SOS2: variants seen among roughly 807,000 people sequenced by gnomAD.
The protein encoded by SOS2 is son of sevenless homolog 2.
SOS2 carries 65 observed loss-of-function variants against 148.2 expected under a neutral mutation model. The ratio of observed to expected loss-of-function variants is 0.44; its 90% confidence interval spans 0.36 to 0.54. SOS2 has a LOEUF of 0.54. Among genes scored for constraint, SOS2 ranks in the 20% least tolerant of loss-of-function variants. The pLI, the probability that SOS2 is intolerant of heterozygous loss-of-function variation, is 0.00. For synonymous variants in SOS2, 539 were observed against 537.1 expected (o/e 1.00, Z -0.05); for missense variants, 1,341 against 1,590.2 (o/e 0.84, Z 2.67).
intron 1 of SOS2, among the ~76,000 whole-genome samples, chr14:50,225,041 T>C (rs979886862): frequency 5.3e-5 from 8 of 152,222 alleles, no homozygotes; most frequent in African/African-American, 1.9e-4. Context: ...TTGCTTCACT[T>C]CTACATGTTA....
chr14:50,152,736 T>C (rs886162672), intron 13 of SOS2, among the ~76,000 whole-genome samples: 1 of 152,070 alleles, frequency 6.6e-6, no homozygotes, highest in Non-Finnish European at 1.5e-5. Flanking sequence ...AGGTGGATCA[T>C]CTGAGGTCAG....
chr14:50,180,795 A>G (rs1704019492), intron 6 of SOS2, 113 bp from the exon 7 acceptor site: 1 of 592,424 alleles, frequency 1.7e-6, no homozygotes, highest in Admixed American at 3.5e-5. Flanking sequence ...GTGAGCTATG[A>G]TTGTGCCACT....
intron 7 of SOS2, among the ~76,000 whole-genome samples, chr14:50,180,034 TCA>T (rs1403328521): frequency 3.3e-5 from 5 of 151,776 alleles, no homozygotes; most frequent in African/African-American, 4.8e-5. Context: ...AGACAGAGTC[TCA>T]CTATTCCACC....
chr14:50,166,747 G>A (rs539469743), intron 8 of SOS2, among the ~76,000 whole-genome samples: 2 of 152,118 alleles, frequency 1.3e-5, no homozygotes. Flanking sequence ...TGTGCCCACA[G>A]CAAGGGGAAT....
rs202201300 is a variant in SOS2, at chr14:50,159,641, G to T, written c.1642C>A (p.Leu548Ile). Residue 548 changes from leucine to isoleucine, a missense_variant, in exon 10 of 23, where the codon CTA (leucine) becomes ATA (isoleucine). Coordinates refer to ENST00000216373, the MANE Select transcript of SOS2 (RefSeq NM_006939.4). ...ALISLHYRST[L>I]DRMLDSVLLK... The stretch of plus-strand genomic sequence containing the variant: ...AATACTGAATCTAACATTCGATCTA[G>T]AGTACTACGATAATGAAGAGAAATA... The T allele has an allele frequency of 7.4e-6, 12 of 1,613,656 alleles. No individual in the cohort carries two copies. Among genetic ancestry groups the T allele is most frequent in the Non-Finnish European group, 9.3e-6 (11 of 1,179,716 alleles).
At chr14:50,160,237 T>C (rs1594980985) in intron 9 of SOS2, 151 bp from the exon 10 acceptor site, 2 of 617,756 alleles carry the variant, frequency 3.2e-6, no homozygotes, top group Non-Finnish European at 5.6e-6. Context: ...CACTAAATAA[T>C]ACAGCCCTCA....
At chr14:50,142,418 T>G (rs1884325541) in intron 16 of SOS2, among the ~76,000 whole-genome samples, 1 of 152,166 alleles carries the variant, frequency 6.6e-6, no homozygotes, top group African/African-American at 2.4e-5. Flanking sequence ...CAGTTTTTCC[T>G]CTATTCCCCT....
intron 4 of SOS2, among the ~76,000 whole-genome samples, chr14:50,189,156 A>C (rs1886031486): frequency 6.6e-6 from 1 of 151,390 alleles, no homozygotes; most frequent in Non-Finnish European, 1.5e-5. Flanking sequence ...AATTTATATG[A>C]TAAAACCTAG....
At chr14:50,215,267 G>T in intron 1 of SOS2, 1 of 513,722 alleles carries the variant, frequency 1.9e-6, no homozygotes, top group Non-Finnish European at 3.0e-6. Context: ...TGTTAAATAA[G>T]CTACAAAGCA....
chr14:50,204,324 T>G lies in SOS2; in HGVS notation c.173A>C (p.Lys58Thr). The G allele has an allele frequency of 6.2e-7, 1 of 1,601,858 alleles. No individual in the cohort carries two copies. Among genetic ancestry groups the G allele is most frequent in the East Asian group, 2.2e-5 (1 of 44,602 alleles). ...IEELIFQLLNKLCMAQPRTVQ... is the reference protein window; with the variant it reads ...IEELIFQLLNTLCMAQPRTVQ... ...AGTCCTTGGCTGGGCCATGCATAAT[T>G]TATTAAGCAGCTGAAAAATCAGCTC... Residue 58 changes from lysine to threonine, a missense_variant, in exon 2 of 23, where the codon AAA (lysine) becomes ACA (threonine). Around this residue, in one of 4 missense-constraint regions of SOS2, gnomAD observed 574 missense variants for 711.1 expected, o/e 0.81. Transcript: ENST00000216373.
intron 19 of SOS2, 131 bp downstream of exon 19, chr14:50,133,992 T>G: frequency 1.5e-6 from 1 of 658,456 alleles, no homozygotes; most frequent in East Asian, 2.8e-5. Context: ...GTTTTAGAAA[T>G]AGTATATTAC....
chr14:50,134,219 G>A lies in SOS2; in HGVS notation c.2979C>T (p.Asn993=), dbSNP rs768403750. Reference sequence around the variant, plus strand: ...CTTTTTCAGATGCACTTCCCATGGGGTTAAGGTTTTCAAAGAATCTCTGGA... The same window carrying A: ...CTTTTTCAGATGCACTTCCCATGGGATTAAGGTTTTCAAAGAATCTCTGGA... The part of the protein sequence containing the change: ...PDMRRFFENL[N]PMGSASEKEF... Residue 993 remains asparagine (N), a synonymous_variant, in exon 19 of 23, where the codon AAC becomes AAT. Transcript: ENST00000216373. 3.8e-6 allele frequency: 6 copies of A among 1,576,678 alleles called. No homozygotes were observed. In the South Asian group the frequency reaches 5.7e-5, roughly 15 times the overall value.
At chr14:50,185,003 C>G (rs1414988327) in intron 5 of SOS2, among the ~76,000 whole-genome samples, 1 of 152,000 alleles carries the variant, frequency 6.6e-6, no homozygotes, top group African/African-American at 2.4e-5. Context: ...GGCTTGGAAA[C>G]TCTGTGCCCC....
intron 2 of SOS2, among the ~76,000 whole-genome samples, chr14:50,201,286 A>G (rs1401413242): frequency 6.6e-6 from 1 of 152,028 alleles, no homozygotes; most frequent in East Asian, 1.9e-4. Context: ...TAATCCCAAC[A>G]CTTTGGGAGG....
intron 11 of SOS2, 85 bp from the exon 12 acceptor site, chr14:50,157,206 C>G: frequency 5.4e-6 from 8 of 1,476,164 alleles, no homozygotes; most frequent in Non-Finnish European, 7.3e-6. Context: ...TTCTTTCCTA[C>G]CACTTCCACG....
chr14:50,209,934 C>T (rs1886812261), intron 1 of SOS2, among the ~76,000 whole-genome samples: 2 of 152,142 alleles, frequency 1.3e-5, no homozygotes, highest in South Asian at 4.1e-4. Context: ...TTGTATACAA[C>T]TGAATTCTCT....
Position 50,199,764 on chromosome 14 carries a change from C to T in SOS2, c.437G>A (p.Gly146Asp). 4 of 1,605,094 alleles carry T rather than the reference C, an allele frequency of 2.5e-6. No individual in the cohort carries two copies. Among genetic ancestry groups the T allele is most frequent in the Non-Finnish European group, 3.4e-6 (4 of 1,172,560 alleles). ...ATGCCGGATATTAAAAACATAATTA[C>T]CAGCCAATTTTAAAATATCAGCTGA... is the stretch of plus-strand genomic sequence containing the variant. ...YISADILKLAGNYVFNIRHYE... is the reference protein window; with the variant it reads ...YISADILKLADNYVFNIRHYE... Residue 146 changes from glycine (G) to aspartate (D), a missense_variant, in exon 4 of 23, where the codon GGT becomes GAT. Physicochemically the swap from Gly to Asp is moderately conservative, Grantham distance 94. Around this residue, in one of 4 missense-constraint regions of SOS2, gnomAD observed 574 missense variants for 711.1 expected, o/e 0.81. Transcript: ENST00000216373.
Position 50,180,685 on chromosome 14 carries a change from AT to A in SOS2, c.859-4del, listed in dbSNP as rs776327707. The stretch of plus-strand genomic sequence containing the variant: ...TCATAAGGATCAAATGCTTGCTCCT[AT>A]TTTTTTAAAAAGAGAAAAAGCATTA... On this transcript the variant is annotated splice_region_variant and splice_polypyrimidine_tract_variant and intron_variant, in intron 6 of 22. Coordinates refer to ENST00000216373, the MANE Select transcript of SOS2 (RefSeq NM_006939.4). The A allele has an allele frequency of 2.2e-5, 34 of 1,514,554 alleles. No homozygotes were observed. Among genetic ancestry groups the A allele is most frequent in the South Asian group, 1.3e-4 (11 of 84,620 alleles). The allele number at this position is 1,514,554 out of a possible 1,614,324, so 93.8% of individuals were successfully genotyped here. A position where few individuals can be genotyped will look rare whatever the true frequency, so the allele number is the denominator to read the frequency against.
Position 50,140,079 on chromosome 14 carries a change from G to C in SOS2, c.2668-20C>G, listed in dbSNP as rs937616189. On this transcript the variant is annotated intron_variant, in intron 16 of 22. Transcript: ENST00000216373. ...CAGTGCCTTAAAGTATACATAAATT[G>C]AGTATAAATTTTTTACAATTCAATC... 5.3e-6 allele frequency: 6 copies of C among 1,121,780 alleles called. No homozygotes were observed. Among genetic ancestry groups the C allele is most frequent in the Non-Finnish European group, 7.9e-6 (6 of 759,506 alleles). The allele number at this position is 1,121,780 out of a possible 1,614,324, so 69.5% of individuals were successfully genotyped here. A position where few individuals can be genotyped will look rare whatever the true frequency, so the allele number is the denominator to read the frequency against.
Sources: allele counts gnomAD v4.1 joint callset (sites outside exome capture counted in the v4.1 genomes callset), GRCh38; gene constraint gnomAD v4.1.1; regional missense constraint gnomAD v4.1.1; transcripts MANE v1.5; gene names NCBI Gene and HGNC (gene_info 2026-07-23, HGNC 2026-07-21).